Variants in NDUFS1 observed in about 807,000 individuals in gnomAD.
NDUFS1 encodes the protein NADH-ubiquinone oxidoreductase 75 kDa subunit, mitochondrial.
A neutral mutation model predicts 84.4 loss-of-function variants in NDUFS1; 61 were observed. The observed-to-expected ratio is 0.72, with a 90% CI of 0.59 to 0.89. The LOEUF is 0.89. Among genes scored for constraint, NDUFS1 ranks in the 40% least tolerant of loss-of-function variants. The pLI is 0.00. For missense variants in NDUFS1, 891 were observed against 890.0 expected (o/e 1.00, Z -0.01); for synonymous variants, 275 against 290.0 (o/e 0.95, Z 0.53).
At position 206,147,776 on chromosome 2, in the gene NDUFS1, G is replaced by A; in HGVS notation, c.397C>T (p.Gln133Ter). The A allele has an allele frequency of 3.1e-6, 5 of 1,613,936 alleles. No individual in the cohort carries two copies. The highest frequency in any genetic ancestry group is 4.2e-6 in the Non-Finnish European group (5 of 1,179,938). The change falls in exon 6 of 19, where the codon CAG becomes TAG. Residue 133 changes from glutamine (Q) to a stop codon, truncating the protein, a stop_gained. Transcript: ENST00000233190. LOFTEE classifies it high-confidence loss of function. The part of the protein sequence containing the change: ...NHPLDCPICD[Q>*]GGECDLQDQS... Reference sequence around the variant, plus strand: ...ACCTGCAGATCACATTCACCTCCCTGGTCACAAATAGGACAGTCCAATGGG... The same window carrying A: ...ACCTGCAGATCACATTCACCTCCCTAGTCACAAATAGGACAGTCCAATGGG...
intron 14 of NDUFS1, among the ~76,000 whole-genome samples, chr2:206,132,403 G>A (rs1011223346): frequency 6.6e-6 from 1 of 152,084 alleles, no homozygotes; most frequent in Non-Finnish European, 1.5e-5. Flanking sequence ...GGGCAACATA[G>A]TGAGACTTTA....
At chr2:206,143,674 G>C (rs1692050577) in intron 10 of NDUFS1, among the ~76,000 whole-genome samples, 1 of 151,540 alleles carries the variant, frequency 6.6e-6, no homozygotes, top group African/African-American at 2.4e-5. Flanking sequence ...CTCCAAGGAA[G>C]GCATCTTGAT....
chr2:206,127,880 C>T lies in NDUFS1; in HGVS notation c.1801G>A (p.Gly601Ser), dbSNP rs1691353762. The change falls in exon 16 of 19, where the codon GGT (glycine) becomes AGT (serine). Residue 601 changes from glycine (G) to serine (S), a missense_variant. Gly to Ser is a moderately conservative substitution (Grantham distance 56, BLOSUM62 0). Coordinates refer to ENST00000233190, the MANE Select transcript of NDUFS1 (RefSeq NM_005006.7). ...GCTACCTTAGTCTGCTGAGCTCTAC[C>T]CTCAGTGTTGACATATGTAGCAGAC... The part of the protein sequence containing the change: ...EKSATYVNTE[G>S]RAQQTKVAVT... The T allele has an allele frequency of 6.2e-7, 1 of 1,613,952 alleles. No homozygotes were observed. Among genetic ancestry groups the T allele is most frequent in the Non-Finnish European group, 8.5e-7 (1 of 1,180,014 alleles).
Position 206,147,008 on chromosome 2 carries a change from T to C in NDUFS1, c.632A>G (p.Glu211Gly), listed in dbSNP as rs1331605761. Reference protein sequence around the residue: ...GNDMQVGTYIEKMFMSELSGN... With the variant: ...GNDMQVGTYIGKMFMSELSGN... ...AGACAGTTCAGACATGAACATCTTT[T>C]CAATGTATGTGCCAACTTGCATATC... is the stretch of plus-strand genomic sequence containing the variant. The change falls in exon 8 of 19, where the codon GAA becomes GGA. Residue 211 changes from glutamate to glycine, a missense_variant. Glu to Gly is a moderately conservative substitution (Grantham distance 98). Transcript: ENST00000233190. 1 of 1,613,872 alleles carries C rather than the reference T, an allele frequency of 6.2e-7. No homozygotes were observed. Among genetic ancestry groups the C allele is most frequent in the African/African-American group, 1.3e-5 (1 of 74,930 alleles).
At position 206,150,023 on chromosome 2, in the gene NDUFS1, T is replaced by TGCTATCTA. The variant is rs1692311843; in HGVS notation, c.154-99_154-98insTAGATAGC. On this transcript the variant is annotated intron_variant, in intron 3 of 18. Coordinates refer to ENST00000233190, the MANE Select transcript of NDUFS1 (RefSeq NM_005006.7). ...ACACACACATACAGCATCTTATTAC[T>TGCTATCTA]TCTATCTATCTATCTATCTATCTAT... 3 of 691,648 alleles carry TGCTATCTA rather than the reference T, an allele frequency of 4.3e-6. No homozygotes were observed. In the South Asian group the frequency reaches 4.9e-5, roughly 11 times the overall value. 42.8% of individuals were successfully genotyped at this position (691,648 alleles called of 1,614,324 possible). A position where few individuals can be genotyped will look rare whatever the true frequency, so the allele number is the denominator to read the frequency against.
chr2:206,131,330 C>T (rs1691503877), intron 14 of NDUFS1, among the ~76,000 whole-genome samples: 1 of 151,908 alleles, frequency 6.6e-6, no homozygotes, highest in South Asian at 2.1e-4. Flanking sequence ...AAGAAAATGG[C>T]TAAAAAAATT....
intron 12 of NDUFS1, among the ~76,000 whole-genome samples, chr2:206,139,692 T>G (rs935477484): frequency 6.6e-6 from 1 of 151,968 alleles, no homozygotes; most frequent in African/African-American, 2.4e-5. Flanking sequence ...AATGACTATA[T>G]AGTCTGGTTT....
chr2:206,142,604 GAA>G, intron 11 of NDUFS1, 80 bp downstream of exon 11: 2 of 1,539,488 alleles, frequency 1.3e-6, no homozygotes, highest in Non-Finnish European at 1.8e-6. Flanking sequence ...ATATGTTGGA[GAA>G]TCCAGGTTGT....
chr2:206,124,138 G>A lies in NDUFS1; in HGVS notation c.*47C>T, dbSNP rs1414528041. The A allele has an allele frequency of 8.4e-6, 10 of 1,192,150 alleles. No individual in the cohort carries two copies. The highest frequency in any genetic ancestry group is 1.1e-5 in the Non-Finnish European group (9 of 794,780). The allele number at this position is 1,192,150 out of a possible 1,614,324, so 73.8% of individuals were successfully genotyped here. A position where few individuals can be genotyped will look rare whatever the true frequency, so the allele number is the denominator to read the frequency against. Reference sequence around the variant, plus strand: ...ACCTGTAAAGGATCACTGCACTACAGTTGTCCATTAATTATCTGCGGCAAA... The same window carrying A: ...ACCTGTAAAGGATCACTGCACTACAATTGTCCATTAATTATCTGCGGCAAA... On this transcript the variant is annotated 3_prime_UTR_variant, in exon 19 of 19. Coordinates refer to ENST00000233190, the MANE Select transcript of NDUFS1 (RefSeq NM_005006.7).
chr2:206,123,739 T>C lies in NDUFS1; in HGVS notation c.*446A>G, dbSNP rs1225577534. ...TTACTATGATTATTATTAATTATAATTATCCTAGATACATATCTGAGCATG... is the reference window on the plus strand; with the variant it reads ...TTACTATGATTATTATTAATTATAACTATCCTAGATACATATCTGAGCATG... On this transcript the variant is annotated 3_prime_UTR_variant, in exon 19 of 19. Coordinates refer to ENST00000233190, the MANE Select transcript of NDUFS1 (RefSeq NM_005006.7). 1 of 155,512 alleles carries C rather than the reference T, an allele frequency of 6.4e-6. No individual in the cohort carries two copies. Among genetic ancestry groups the C allele is most frequent in the African/African-American group, 2.4e-5 (1 of 41,468 alleles). 9.6% of individuals were successfully genotyped at this position (155,512 alleles called of 1,614,324 possible).
In NDUFS1 at chr2:206,118,591, T is replaced by C. The variant is rs11686531; in HGVS notation, c.*5594A>G. ...CAGTGTGCTGAGATCATGCCATGCATTGCACTCCAGTCTGGGTAACAGAGC... is the reference window on the plus strand; with the variant it reads ...CAGTGTGCTGAGATCATGCCATGCACTGCACTCCAGTCTGGGTAACAGAGC... On this transcript the variant is annotated 3_prime_UTR_variant, in exon 19 of 19. Coordinates refer to ENST00000233190, the MANE Select transcript of NDUFS1 (RefSeq NM_005006.7). The C allele has an allele frequency of 0.44, 66,289 of 151,806 alleles. 14,980 individuals carry two copies. Among genetic ancestry groups the C allele is most frequent in the African/African-American group, 0.53 (21,748 of 41,408 alleles). 9.4% of individuals were successfully genotyped at this position (151,806 alleles called of 1,614,324 possible).
intron 3 of NDUFS1, among the ~76,000 whole-genome samples, chr2:206,150,334 C>T (rs1281974712): frequency 6.6e-6 from 1 of 152,180 alleles, no homozygotes; most frequent in Admixed American, 6.5e-5. Flanking sequence ...GGCTATCTGT[C>T]TTTGGCTCCT....
In NDUFS1 at chr2:206,153,669, T is replaced by A; in HGVS notation, c.10A>T (p.Ile4Leu). 2 of 1,498,300 alleles carry A rather than the reference T, an allele frequency of 1.3e-6. No individual in the cohort carries two copies. Among genetic ancestry groups the A allele is most frequent in the Non-Finnish European group, 1.8e-6 (2 of 1,083,482 alleles). 92.8% of individuals were successfully genotyped at this position (1,498,300 alleles called of 1,614,324 possible). MLR[I>L]PVRKALVGLS... ...CCTACTAAGGCCTTTCTTACAGGTATCCTTAACATATTGCTAAAAATAAAA... is the reference window on the plus strand; with the variant it reads ...CCTACTAAGGCCTTTCTTACAGGTAACCTTAACATATTGCTAAAAATAAAA... The change falls in exon 2 of 19, where the codon ATA becomes TTA. Residue 4 changes from isoleucine (I) to leucine (L), a missense_variant. Physicochemically the swap from Ile to Leu is conservative, Grantham distance 5. Transcript: ENST00000233190.
intron 1 of NDUFS1, among the ~76,000 whole-genome samples, chr2:206,156,464 T>A (rs1490117938): frequency 6.7e-6 from 1 of 150,316 alleles, no homozygotes; most frequent in East Asian, 2.0e-4. Flanking sequence ...GGTCCCAGCT[T>A]CACAGGAGGC....
At chr2:206,125,835 G>C (rs1332271099) in intron 18 of NDUFS1, among the ~76,000 whole-genome samples, 2 of 152,122 alleles carry the variant, frequency 1.3e-5, no homozygotes, top group African/African-American at 4.8e-5. Context: ...GTAGACTACA[G>C]TGTCTGTTGT....
chr2:206,148,107 T>C (rs1417714230), intron 5 of NDUFS1, among the ~76,000 whole-genome samples: 1 of 152,070 alleles, frequency 6.6e-6, no homozygotes, highest in Non-Finnish European at 1.5e-5. Flanking sequence ...GTATTTTTAG[T>C]AGAGGCAGGG....
chr2:206,147,507 A>AG (rs772867088), intron 7 of NDUFS1, 24 bp downstream of exon 7: 2 of 1,597,892 alleles, frequency 1.3e-6, no homozygotes, highest in Non-Finnish European at 1.7e-6. Context: ...ATTCTATAAT[A>AG]GAAAAAAAAG....
intron 1 of NDUFS1, among the ~76,000 whole-genome samples, chr2:206,157,963 C>CTTCTTT (rs539046435): frequency 0.15 from 19,284 of 131,590 alleles, 2,206 homozygotes; most frequent in African/African-American, 0.17. Flanking sequence ...ATTTCAATAG[C>CTTCTTT]TTTTTTTTTT....
intron 18 of NDUFS1, among the ~76,000 whole-genome samples, chr2:206,125,967 T>C (rs1369047931): frequency 1.3e-5 from 2 of 152,310 alleles, no homozygotes; most frequent in South Asian, 2.1e-4. Flanking sequence ...AAAATACTTA[T>C]TTAAAAAATC....
Sources: allele counts gnomAD v4.1 joint callset (sites outside exome capture counted in the v4.1 genomes callset), GRCh38; gene constraint gnomAD v4.1.1; transcripts MANE v1.5; gene names NCBI Gene and HGNC (gene_info 2026-07-23, HGNC 2026-07-21).